EDIL3: variants seen among roughly 807,000 people sequenced by gnomAD.
EDIL3 encodes EGF like and discoidin domains 3.
A neutral mutation model predicts 67.4 loss-of-function variants in EDIL3; 37 were observed. That is an observed-to-expected ratio of 0.55 (90% CI 0.42 to 0.72). EDIL3 has a LOEUF of 0.72. Among genes scored for constraint, EDIL3 ranks in the 30% least tolerant of loss-of-function variants. EDIL3 has a pLI of 0.00. For synonymous variants in EDIL3, 195 were observed against 196.3 expected (o/e 0.99, Z 0.05); for missense variants, 527 against 586.3 (o/e 0.90, Z 1.04).
chr5:83,993,798 G>A (rs981321495), intron 9 of EDIL3, among the ~76,000 whole-genome samples: 11 of 152,170 alleles, frequency 7.2e-5, no homozygotes, highest in African/African-American at 2.7e-4. Context: ...ATAAGGGAGT[G>A]AGTGTGTTCC....
intron 1 of EDIL3, among the ~76,000 whole-genome samples, chr5:84,288,272 A>G (rs917080469): frequency 1.3e-5 from 2 of 151,986 alleles, no homozygotes; most frequent in Non-Finnish European, 2.9e-5. Context: ...GAATGTGACC[A>G]TTTCTCACCC....
At chr5:84,042,811 C>T (rs374690889) in intron 9 of EDIL3, among the ~76,000 whole-genome samples, 6 of 152,126 alleles carry the variant, frequency 3.9e-5, no homozygotes, top group African/African-American at 7.2e-5. Context: ...TTACTCAACA[C>T]GTGGGAAAGC....
chr5:84,169,203 G>A (rs1187555774), intron 4 of EDIL3, among the ~76,000 whole-genome samples: 2 of 151,866 alleles, frequency 1.3e-5, no homozygotes, highest in African/African-American at 2.4e-5. Flanking sequence ...GCATTGTGGT[G>A]CTGTTATTTC....
chr5:84,083,132 AAAAAT>A lies in EDIL3; in HGVS notation c.652-16531_652-16527del, dbSNP rs915614856. ...CTACGTTTAAATATTTAATTATTTT[AAAAAT>A]AAAATAGGAAAGATAAAATAGCTTA... On this transcript the variant is annotated intron_variant, in intron 6 of 10. Transcript: ENST00000296591. Among the ~76,000 whole-genome samples, 81 of 152,322 alleles carry A rather than the reference AAAAAT, an allele frequency of 5.3e-4. 1 individual carries two copies. The highest frequency in any genetic ancestry group is 1.9e-3 in the African/African-American group (77 of 41,574).
At chr5:84,362,575 A>T (rs961962002) in intron 1 of EDIL3, among the ~76,000 whole-genome samples, 1 of 152,184 alleles carries the variant, frequency 6.6e-6, no homozygotes, top group African/African-American at 2.4e-5. Flanking sequence ...AAACCTGAGA[A>T]GTCCCTGTTA....
intron 3 of EDIL3, among the ~76,000 whole-genome samples, chr5:84,229,349 G>A (rs550937541): frequency 1.3e-5 from 2 of 152,058 alleles, no homozygotes; most frequent in Non-Finnish European, 2.9e-5. Context: ...AATTATAATT[G>A]TAAAAATTAC....
At chr5:84,163,706 T>C (rs1252855706) in intron 4 of EDIL3, among the ~76,000 whole-genome samples, 2 of 152,030 alleles carry the variant, frequency 1.3e-5, no homozygotes, top group African/African-American at 4.8e-5. Flanking sequence ...TGTGACATCT[T>C]TTATAGACAG....
At chr5:84,157,354 T>C (rs534965895) in intron 4 of EDIL3, among the ~76,000 whole-genome samples, 8 of 152,194 alleles carry the variant, frequency 5.3e-5, no homozygotes, top group African/African-American at 1.4e-4. Context: ...AATCATTGAC[T>C]CTGAAACAGT....
chr5:84,215,849 A>C (rs998376083), intron 3 of EDIL3, among the ~76,000 whole-genome samples: 11 of 152,328 alleles, frequency 7.2e-5, no homozygotes, highest in Admixed American at 7.2e-4. Flanking sequence ...TAGAAACTGA[A>C]GCCAGAAGGG....
At chr5:84,139,533 A>G (rs550472007) in intron 4 of EDIL3, among the ~76,000 whole-genome samples, 1 of 152,294 alleles carries the variant, frequency 6.6e-6, no homozygotes, top group South Asian at 2.1e-4. Flanking sequence ...TATTGTTGCC[A>G]ACTCAATTAT....
chr5:84,114,148 G>GTTTT (rs918208407), intron 5 of EDIL3, among the ~76,000 whole-genome samples: 51 of 109,812 alleles, frequency 4.6e-4, no homozygotes, highest in Middle Eastern at 5.3e-3. Context: ...GAACCCTAAA[G>GTTTT]TTTTTTTTTT....
intron 9 of EDIL3, among the ~76,000 whole-genome samples, chr5:83,983,745 T>C (rs540737116): frequency 1.3e-5 from 2 of 150,116 alleles, no homozygotes; most frequent in South Asian, 4.2e-4. Context: ...GGACTTTCTT[T>C]TTTTTTTTTT....
intron 9 of EDIL3, among the ~76,000 whole-genome samples, chr5:84,036,921 A>G (rs985198424): frequency 6.6e-6 from 1 of 152,154 alleles, no homozygotes; most frequent in Admixed American, 6.5e-5. Flanking sequence ...TCATTCAAAA[A>G]CAGATCAAGC....
intron 3 of EDIL3, among the ~76,000 whole-genome samples, chr5:84,200,477 C>T (rs1269367973): frequency 1.3e-5 from 2 of 151,934 alleles, no homozygotes; most frequent in South Asian, 2.1e-4. Context: ...AGTTTTGAAA[C>T]AAGAATCATA....
chr5:84,316,930 C>T (rs1746526409), intron 1 of EDIL3, among the ~76,000 whole-genome samples: 1 of 152,174 alleles, frequency 6.6e-6, no homozygotes, highest in South Asian at 2.1e-4. Context: ...ACAGTACAAT[C>T]AAACTAGAAC....
chr5:84,084,156 G>A (rs1747027143), intron 6 of EDIL3, among the ~76,000 whole-genome samples: 1 of 152,090 alleles, frequency 6.6e-6, no homozygotes, highest in South Asian at 2.1e-4. Flanking sequence ...ATTTAGGAGG[G>A]AAAATATAGA....
chr5:84,309,612 C>A (rs1288429029), intron 1 of EDIL3, among the ~76,000 whole-genome samples: 2 of 151,414 alleles, frequency 1.3e-5, no homozygotes, highest in African/African-American at 4.9e-5. Flanking sequence ...TTTGTCCTTG[C>A]GATAGTTTAC....
At chr5:84,339,811 AAG>A (rs1186688634) in intron 1 of EDIL3, among the ~76,000 whole-genome samples, 1 of 152,070 alleles carries the variant, frequency 6.6e-6, no homozygotes, top group Non-Finnish European at 1.5e-5. Context: ...GAATTCAGAA[AAG>A]AAAAGAAATG....
chr5:84,147,137 A>T (rs1011628607), intron 4 of EDIL3, among the ~76,000 whole-genome samples: 1 of 151,654 alleles, frequency 6.6e-6, no homozygotes, highest in African/African-American at 2.4e-5. Flanking sequence ...CAAAGAGTTT[A>T]TTTTTGCCTG....
Sources: allele counts gnomAD v4.1 joint callset (sites outside exome capture counted in the v4.1 genomes callset), GRCh38; gene constraint gnomAD v4.1.1; transcripts MANE v1.5; gene names NCBI Gene and HGNC (gene_info 2026-07-23, HGNC 2026-07-21).